The following BBS2 variants were observed in gnomAD, a reference collection of about 807,000 sequenced individuals.
BBS2 encodes Bardet-Biedl syndrome 2.
BBS2 carries 62 observed loss-of-function variants against 83.0 expected under a neutral mutation model. The ratio of observed to expected loss-of-function variants is 0.75; its 90% CI spans 0.61 to 0.92. The LOEUF is 0.92. BBS2 is among the 40% of genes least tolerant of loss of function. The pLI is 0.00. For missense variants in BBS2, 784 were observed against 901.0 expected, an observed-to-expected ratio of 0.87 and a Z score of 1.66; for synonymous variants, 303 against 326.1, an observed-to-expected ratio of 0.93 and a Z score of 0.76.
Position 56,484,720 on chromosome 16 carries a change from A to G in BBS2, c.*41T>C. ...GCAAACCAGCATAGGTTTTTAACAG[A>G]AAATCTTTGCCAGGAACTTCATGAC... On this transcript the variant is annotated 3_prime_UTR_variant, in exon 17 of 17. Coordinates refer to ENST00000245157, the MANE Select transcript of BBS2 (RefSeq NM_031885.5). 6.3e-7 allele frequency: 1 copy of G among 1,575,104 alleles called. No individual in the cohort carries two copies. Among genetic ancestry groups the G allele is most frequent in the South Asian group, 1.1e-5 (1 of 89,840 alleles).
In BBS2 at chr16:56,502,454, G is replaced by A. The variant is rs121908178; in HGVS notation, c.943C>T (p.Arg315Trp). 1.5e-5 allele frequency: 25 copies of A among 1,613,986 alleles called. No individual in the cohort carries two copies. The highest frequency in any genetic ancestry group is 4.0e-5 in the African/African-American group (3 of 74,886). Residue 315 changes from arginine to tryptophan, a missense_variant and splice_region_variant, in exon 9 of 17, where the codon CGG (arginine) becomes TGG (tryptophan). Coordinates refer to ENST00000245157, the MANE Select transcript of BBS2 (RefSeq NM_031885.5). ...TCAGCCGTGCCAGGCAGGTAGCCCC[G>A]GACTGAACAGAAGGAAAAAACCGCA... is the stretch of plus-strand genomic sequence containing the variant. The part of the protein sequence containing the change: ...LICCSVDGEI[R>W]GYLPGTAEMR...
At position 56,493,754 on chromosome 16, in the gene BBS2, A is replaced by C. The variant is rs1402588321; in HGVS notation, c.1910+3213T>G. ...TCTGTGGCATAACCAAAAGAGAAAT[A>C]ATCTCAAATGATTTTAAGATACAGT... On this transcript the variant is annotated intron_variant, in intron 15 of 16. Transcript: ENST00000245157. Among the ~76,000 whole-genome samples, 3 of 152,364 alleles carry C rather than the reference A, an allele frequency of 2.0e-5. No homozygotes were observed. The East Asian group carries it at 5.8e-4, about 29-fold the overall frequency.
At position 56,484,489 on chromosome 16, in the gene BBS2, G is replaced by C. The variant is rs1963721660; in HGVS notation, c.*272C>G. 3.2e-6 allele frequency: 1 copy of C among 311,574 alleles called. No individual in the cohort carries two copies. Among genetic ancestry groups the C allele is most frequent in the South Asian group, 4.9e-5 (1 of 20,498 alleles). 19.3% of individuals were successfully genotyped at this position (311,574 alleles called of 1,614,324 possible). A position where few individuals can be genotyped will look rare whatever the true frequency, so the allele number is the denominator to read the frequency against. ...ATATGTATTTATATACCATAAATAA[G>C]CAAAATTGGACTCTGAAGCCCTAAT... On this transcript the variant is annotated 3_prime_UTR_variant, in exon 17 of 17. Transcript: ENST00000245157.
chr16:56,472,820 C>T lies in BBS2; in HGVS notation c.*1-2125G>A, dbSNP rs549143032. ...TCTGTATTTTTTCCACTTAATATTT[C>T]ATAAACCTCTTTCTGATCCTTTTAC... On this transcript the variant is annotated intron_variant, in intron 17 of 17. Transcript: ENST00000682047. Among the ~76,000 whole-genome samples the T allele has an allele frequency of 6.2e-4, 95 of 152,272 alleles. 1 individual carries two copies. In the South Asian group the frequency reaches 0.019, roughly 31 times the overall value.
downstream of BBS2, among the ~76,000 whole-genome samples, chr16:56,480,376 A>AAAAAAAAAAAAAAAAC (rs1555519799): frequency 4.2e-5 from 6 of 142,390 alleles, no homozygotes; most frequent in Non-Finnish European, 7.7e-5. Context: ...CAAAAAAAAA[A>AAAAAAAAAAAAAAAAC]ACAAAGCTTG....
At chr16:56,500,023 C>CCTT (rs1329372666) in intron 11 of BBS2, 116 bp from the exon 12 acceptor site, 1 of 1,297,926 alleles carries the variant, frequency 7.7e-7, no homozygotes, top group Non-Finnish European at 1.1e-6. Context: ...AAGGGTTTCA[C>CCTT]TTAAGAAGGA....
At chr16:56,519,373 G>GCT (rs1964850405) in intron 1 of BBS2, 3 of 192,280 alleles carry the variant, frequency 1.6e-5, no homozygotes, top group African/African-American at 7.1e-5. Flanking sequence ...GTGTTAGAGA[G>GCT]TCAGAGGAAT....
chr16:56,509,090 A>G (rs186173221), intron 5 of BBS2, among the ~76,000 whole-genome samples: 184 of 152,346 alleles, frequency 1.2e-3, no homozygotes, highest in African/African-American at 4.0e-3. Flanking sequence ...AGGAAGAAAA[A>G]AATATAGACA....
chr16:56,475,660 T>G (rs1471166623), intron 17 of BBS2: 5 of 970,900 alleles, frequency 5.1e-6, no homozygotes, highest in Non-Finnish European at 8.1e-6. Flanking sequence ...ACCAGTGTCT[T>G]TAGCTAATAA....
Position 56,505,959 on chromosome 16 carries a change from G to C in BBS2, c.795C>G (p.Ser265=), listed in dbSNP as rs1172637602. The C allele has an allele frequency of 6.2e-7, 1 of 1,613,086 alleles. No individual in the cohort carries two copies. The highest frequency in any genetic ancestry group is 8.5e-7 in the Non-Finnish European group (1 of 1,179,440). Residue 265 remains serine, a synonymous_variant, in exon 7 of 17, where the codon TCC becomes TCG. Coordinates refer to ENST00000245157, the MANE Select transcript of BBS2 (RefSeq NM_031885.5). Reference sequence around the variant, plus strand: ...TGCTATTCAAACTTACCTTCCCATTGGACCAACCAGTTATCAGTTCATTCA... The same window carrying C: ...TGCTATTCAAACTTACCTTCCCATTCGACCAACCAGTTATCAGTTCATTCA... ...DGVNELITGW[S]NGKVDARSDR...
chr16:56,498,600 T>C (rs1364075296), intron 12 of BBS2, 32 bp from the exon 13 acceptor site: 2 of 1,613,656 alleles, frequency 1.2e-6, no homozygotes, highest in Admixed American at 3.3e-5. Flanking sequence ...ATGACCTCCA[T>C]TTTTAAGGTA....
exon 18 of BBS2, chr16:56,470,466 C>T: frequency 1.3e-6 from 2 of 1,582,046 alleles, no homozygotes; most frequent in Non-Finnish European, 1.7e-6. Flanking sequence ...TGATGAACAA[C>T]TTGACATTGC....
At chr16:56,474,838 T>C (rs775841665) in intron 17 of BBS2, 7 of 1,609,930 alleles carry the variant, frequency 4.3e-6, no homozygotes, top group Non-Finnish European at 5.1e-6. Context: ...AATCAAGTGT[T>C]CCCATGTGCC....
At chr16:56,471,365 GAAA>G (rs755598469) in intron 17 of BBS2, among the ~76,000 whole-genome samples, 2 of 92,560 alleles carry the variant, frequency 2.2e-5, no homozygotes, top group African/African-American at 4.1e-5. Context: ...ACATCTCAAA[GAAA>G]AAAAAAAAAA....
intron 7 of BBS2, 146 bp downstream of exon 7, chr16:56,505,804 T>A (rs1403636601): frequency 5.9e-6 from 4 of 682,486 alleles, no homozygotes; most frequent in Middle Eastern, 3.9e-4. Flanking sequence ...GAAGAATGTG[T>A]CAAGATTATT....
In BBS2 at chr16:56,502,753, G is replaced by C; in HGVS notation, c.860C>G (p.Ser287Cys). 1 of 1,614,116 alleles carries C rather than the reference G, an allele frequency of 6.2e-7. No homozygotes were observed. Among genetic ancestry groups the C allele is most frequent in the Non-Finnish European group, 8.5e-7 (1 of 1,180,018 alleles). Residue 287 changes from serine (S) to cysteine (C), a missense_variant, in exon 8 of 17, where the codon TCT becomes TGT. Transcript: ENST00000245157. ...TCCCTCTACCACACCGGCAATTGCAGAAGAAAAATTGTCCTTAAAGATGAC... is the reference window on the plus strand; with the variant it reads ...TCCCTCTACCACACCGGCAATTGCACAAGAAAAATTGTCCTTAAAGATGAC... ...GEVIFKDNFS[S>C]AIAGVVEGDY...
chr16:56,496,811 T>C (rs1273601679), intron 15 of BBS2, among the ~76,000 whole-genome samples, 156 bp downstream of exon 15: 1 of 152,246 alleles, frequency 6.6e-6, no homozygotes, highest in South Asian at 2.1e-4. Context: ...TGCTGGGTCA[T>C]AGAGGACATG....
At position 56,499,890 on chromosome 16, in the gene BBS2, A is replaced by T; in HGVS notation, c.1415T>A (p.Phe472Tyr). The change falls in exon 12 of 17, where the codon TTT (phenylalanine) becomes TAT (tyrosine). Residue 472 changes from phenylalanine to tyrosine, a missense_variant. Physicochemically the swap from Phe to Tyr is conservative, Grantham distance 22. Coordinates refer to ENST00000245157, the MANE Select transcript of BBS2 (RefSeq NM_031885.5). ...TCGAGGGAGCTGTCTTGTCGATTCA[A>T]ATACATGAAACTGGGTGCTATGGCC... ...GYRSSTQFHV[F>Y]ESTRQLPRFS... 1 of 1,614,156 alleles carries T rather than the reference A, an allele frequency of 6.2e-7. No individual in the cohort carries two copies. Among genetic ancestry groups the T allele is most frequent in the Middle Eastern group, 1.6e-4 (1 of 6,062 alleles).
chr16:56,513,408 T>C (rs574158874), intron 2 of BBS2, among the ~76,000 whole-genome samples: 2 of 152,312 alleles, frequency 1.3e-5, no homozygotes, highest in South Asian at 4.1e-4. Context: ...CAACATATTA[T>C]TGAATGAAAG....
Sources: gnomAD v4.1 joint callset for allele counts (sites outside exome capture counted in the v4.1 genomes callset) on GRCh38, gnomAD v4.1.1 for gene constraint, MANE v1.5 for transcripts, NCBI Gene and HGNC (gene_info 2026-07-23, HGNC 2026-07-21) for gene names.